Variants in ABHD6 observed in about 807,000 individuals in gnomAD.
ABHD6 encodes the protein monoacylglycerol lipase ABHD6.
A neutral mutation model predicts 38.8 loss-of-function variants in ABHD6; 33 were observed. The observed-to-expected ratio is 0.85, with a 90% confidence interval of 0.64 to 1.14. The LOEUF is 1.14. Ranked by LOEUF, ABHD6 falls within the 50% of genes most tolerant of loss-of-function variation. The probability of loss-of-function intolerance (pLI) is 0.00; values close to 1 mark genes in which losing one functional copy is unlikely to be tolerated. For synonymous variants in ABHD6, 147 were observed against 161.6 expected, an observed-to-expected ratio of 0.91 and a Z score of 0.69; for missense variants, 380 against 422.6, an observed-to-expected ratio of 0.90 and a Z score of 0.88.
At chr3:58,289,227 T>A (rs79405799) in intron 9 of ABHD6, among the ~76,000 whole-genome samples, 3 of 55,030 alleles carry the variant, frequency 5.5e-5, no homozygotes, top group East Asian at 0.025. Flanking sequence ...GGTAATTTTT[T>A]ATTTTTTTTA....
rs541276480 is a variant in ABHD6, at chr3:58,273,256, A to C, written c.524-1402A>C. Among the ~76,000 whole-genome samples the C allele has an allele frequency of 6.6e-6, 1 of 152,246 alleles. No homozygotes were observed. The highest frequency in any genetic ancestry group is 1.9e-4 in the East Asian group (1 of 5,184). On this transcript the variant is annotated intron_variant, in intron 6 of 9. Coordinates refer to ENST00000478253, the MANE Select transcript of ABHD6 (RefSeq NM_001320126.2). The surrounding 1 kb of genome is among the most constrained non-coding windows in gnomAD (Gnocchi z 4.8). ...TTGATGCTACTGCCTTTCATTATAA[A>C]ATCTAGCTCTTTTCTAGATTTTGCT... is the stretch of plus-strand genomic sequence containing the variant.
chr3:58,239,656 T>A (rs2097421469), intron 1 of ABHD6, among the ~76,000 whole-genome samples: 1 of 152,196 alleles, frequency 6.6e-6, no homozygotes, highest in Non-Finnish European at 1.5e-5. Context: ...CCTTTGATTC[T>A]GTGAGCATCT....
At chr3:58,245,073 C>T (rs2097425389) in intron 1 of ABHD6, among the ~76,000 whole-genome samples, 1 of 152,196 alleles carries the variant, frequency 6.6e-6, no homozygotes, top group South Asian at 2.1e-4. Context: ...CCTGCCAAAG[C>T]CTGCCAGTGT....
At position 58,265,670 on chromosome 3, in the gene ABHD6, A is replaced by G. The variant is rs1268692948; in HGVS notation, c.120-1519A>G. On this transcript the variant is annotated intron_variant, in intron 3 of 9. Transcript: ENST00000478253. The surrounding 1 kb of genome is among the most constrained non-coding windows in gnomAD (Gnocchi z 4.2). ...GTGTTGCTACAGCAGAATGCCACAG[A>G]CTAGATAATTTATAAAGAAAAGAAA... 6.6e-6 allele frequency among the ~76,000 whole-genome samples: 1 copy of G among 152,210 alleles called. No individual in the cohort carries two copies. Among genetic ancestry groups the G allele is most frequent in the Admixed American group, 6.5e-5 (1 of 15,282 alleles).
Position 58,259,024 on chromosome 3 carries a change from G to T in ABHD6, c.119+2319G>T, listed in dbSNP as rs1349432895. Among the ~76,000 whole-genome samples the T allele has an allele frequency of 1.3e-5, 2 of 152,166 alleles. No homozygotes were observed. The highest frequency in any genetic ancestry group is 2.9e-5 in the Non-Finnish European group (2 of 68,026). On this transcript the variant is annotated intron_variant, in intron 3 of 9. Coordinates refer to ENST00000478253, the MANE Select transcript of ABHD6 (RefSeq NM_001320126.2). The surrounding 1 kb of genome is among the most constrained non-coding windows in gnomAD (Gnocchi z 4.7). Reference sequence around the variant, plus strand: ...TGACATGGAGAAGGCAGAGTTGCGTGCCCCTTCTCATGGCCTCGTCAAGGC... The same window carrying T: ...TGACATGGAGAAGGCAGAGTTGCGTTCCCCTTCTCATGGCCTCGTCAAGGC...
Position 58,263,415 on chromosome 3 carries a change from T to C in ABHD6, c.120-3774T>C, listed in dbSNP as rs1575521222. On this transcript the variant is annotated intron_variant, in intron 3 of 9. Transcript: ENST00000478253. This position sits in a 1 kb window ranked among gnomAD's most constrained non-coding sequence, Gnocchi z 4.9. ...CAAAAAAAAAAAAAAAGAAAAAATA[T>C]TAGTTTTCCAGTTTCTTGTTTCTGG... Among the ~76,000 whole-genome samples, 1 of 151,752 alleles carries C rather than the reference T, an allele frequency of 6.6e-6. No individual in the cohort carries two copies. The highest frequency in any genetic ancestry group is 1.5e-5 in the Non-Finnish European group (1 of 67,928).
intron 1 of ABHD6, among the ~76,000 whole-genome samples, chr3:58,244,391 G>T (rs534798059): frequency 2.0e-5 from 3 of 152,274 alleles, no homozygotes; most frequent in African/African-American, 7.2e-5. Context: ...GCTTCTTTAT[G>T]ATAGCACAGT....
In ABHD6 at chr3:58,273,031, G is replaced by A. The variant is rs754222561; in HGVS notation, c.524-1627G>A. Among the ~76,000 whole-genome samples, 5 of 152,052 alleles carry A rather than the reference G, an allele frequency of 3.3e-5. No individual in the cohort carries two copies. The highest frequency in any genetic ancestry group is 3.3e-4 in the Admixed American group (5 of 15,262). ...GATTTCATTTAGTTTTTCAACTCAT[G>A]TCCTTTTTCTGTTCTGGGATCCAGT... On this transcript the variant is annotated intron_variant, in intron 6 of 9. Transcript: ENST00000478253. The surrounding 1 kb of genome is among the most constrained non-coding windows in gnomAD (Gnocchi z 4.8).
chr3:58,250,748 G>A (rs561728237), intron 2 of ABHD6, among the ~76,000 whole-genome samples: 3 of 152,298 alleles, frequency 2.0e-5, no homozygotes, highest in Admixed American at 1.3e-4. Flanking sequence ...CCCTAAGGCT[G>A]TGCTGTCTAA....
At chr3:58,247,998 T>G (rs1478015806) in intron 1 of ABHD6, among the ~76,000 whole-genome samples, 2 of 152,240 alleles carry the variant, frequency 1.3e-5, no homozygotes, top group Non-Finnish European at 2.9e-5. Context: ...GTGCTAACCA[T>G]AATCATGGCC....
At position 58,289,341 on chromosome 3, in the gene ABHD6, G is replaced by C. The variant is rs1165658556; in HGVS notation, c.837+3888G>C. 9.2e-5 allele frequency among the ~76,000 whole-genome samples: 14 copies of C among 151,744 alleles called. No individual in the cohort carries two copies. In the South Asian group the frequency reaches 2.9e-3, roughly 32 times the overall value. On this transcript the variant is annotated intron_variant, in intron 9 of 9. Coordinates refer to ENST00000478253, the MANE Select transcript of ABHD6 (RefSeq NM_001320126.2). ...AGGGAAGGTCACCAGATAAACAAGT[G>C]AACAAAGGTCTCTGGTTTTCCTAGG...
At chr3:58,264,442 C>T (rs1025696998) in intron 3 of ABHD6, among the ~76,000 whole-genome samples, 3 of 96,522 alleles carry the variant, frequency 3.1e-5, no homozygotes, top group African/African-American at 1.3e-4. Flanking sequence ...CACACACACA[C>T]ACATATGCCA....
At chr3:58,239,187 A>G (rs1246970565) in intron 1 of ABHD6, among the ~76,000 whole-genome samples, 4 of 151,980 alleles carry the variant, frequency 2.6e-5, no homozygotes, top group African/African-American at 9.7e-5. Context: ...TATCAAGAAC[A>G]TTGTTATAAT....
In ABHD6 at chr3:58,274,820, C is replaced by T. The variant is rs115434226; in HGVS notation, c.681+5C>T. The T allele has an allele frequency of 1.7e-3, 2,719 of 1,612,462 alleles. 46 individuals carry two copies. The African/African-American group carries it at 0.032, about 19-fold the overall frequency. On this transcript the variant is annotated splice_donor_5th_base_variant and intron_variant, in intron 7 of 9. Coordinates refer to ENST00000478253, the MANE Select transcript of ABHD6 (RefSeq NM_001320126.2). Reference sequence around the variant, plus strand: ...CGCTTCAAGGTGCCCCAGCAGGTAACGTGGTTGCAGCAGCGACACAACTAC... The same window carrying T: ...CGCTTCAAGGTGCCCCAGCAGGTAATGTGGTTGCAGCAGCGACACAACTAC...
rs1191935896 is a variant in ABHD6 at position 58,287,389 on chromosome 3, C to T, written c.837+1936C>T. Among the ~76,000 whole-genome samples the T allele has an allele frequency of 6.6e-6, 1 of 152,176 alleles. No individual in the cohort carries two copies. The highest frequency in any genetic ancestry group is 2.4e-5 in the African/African-American group (1 of 41,438). Reference sequence around the variant, plus strand: ...GTCACACTGTGGCCACAAAGACCCACAAGTGCATGAATGACCCAGGCAGGA... The same window carrying T: ...GTCACACTGTGGCCACAAAGACCCATAAGTGCATGAATGACCCAGGCAGGA... On this transcript the variant is annotated intron_variant, in intron 9 of 9. Transcript: ENST00000478253. The surrounding 1 kb of genome is among the most constrained non-coding windows in gnomAD (Gnocchi z 4.7).
rs370132221 is a variant in ABHD6, at chr3:58,263,053, C to T, written c.120-4136C>T. On this transcript the variant is annotated intron_variant, in intron 3 of 9. Transcript: ENST00000478253. The surrounding 1 kb of genome is among the most constrained non-coding windows in gnomAD (Gnocchi z 4.9). ...TGAAACCCCATCTCTACTACAAATA[C>T]GAAAATTAGCCAGGCGTGGTGGCAC... Among the ~76,000 whole-genome samples, 41 of 152,182 alleles carry T rather than the reference C, an allele frequency of 2.7e-4. No individual in the cohort carries two copies. The highest frequency in any genetic ancestry group is 2.3e-3 in the East Asian group (12 of 5,184).
At position 58,257,432 on chromosome 3, in the gene ABHD6, G is replaced by A. The variant is rs34411945; in HGVS notation, c.119+727G>A. On this transcript the variant is annotated intron_variant, in intron 3 of 9. Transcript: ENST00000478253. The surrounding 1 kb of genome is among the most constrained non-coding windows in gnomAD (Gnocchi z 4.8). Reference sequence around the variant, plus strand: ...GGCTGGAGTGCAGTGGTGTCATCTCGGCTCACTGCAACCTCTGCCTCCCAG... The same window carrying A: ...GGCTGGAGTGCAGTGGTGTCATCTCAGCTCACTGCAACCTCTGCCTCCCAG... Among the ~76,000 whole-genome samples the A allele has an allele frequency of 0.084, 12,710 of 151,080 alleles. 621 individuals carry two copies. Among genetic ancestry groups the A allele is most frequent in the Middle Eastern group, 0.11 (31 of 292 alleles).
intron 7 of ABHD6, 128 bp downstream of exon 7, chr3:58,274,943 G>A: frequency 1.7e-6 from 2 of 1,188,878 alleles, no homozygotes; most frequent in South Asian, 2.9e-5. Context: ...CATATATTCA[G>A]CAAGTGTCTC....
In ABHD6 at chr3:58,266,362, T is replaced by C. The variant is rs1300298199; in HGVS notation, c.120-827T>C. ...TACAGGCTGAGGCACAAGAATTGCT[T>C]GAACCCGGGAGGTGGAGGTTGCAGT... On this transcript the variant is annotated intron_variant, in intron 3 of 9. Coordinates refer to ENST00000478253, the MANE Select transcript of ABHD6 (RefSeq NM_001320126.2). This position sits in a 1 kb window ranked among gnomAD's most constrained non-coding sequence, Gnocchi z 4.0. Among the ~76,000 whole-genome samples, 3 of 151,752 alleles carry C rather than the reference T, an allele frequency of 2.0e-5. No homozygotes were observed. Among genetic ancestry groups the C allele is most frequent in the Non-Finnish European group, 4.4e-5 (3 of 67,988 alleles).
Sources: allele counts gnomAD v4.1 joint callset (sites outside exome capture counted in the v4.1 genomes callset), GRCh38; gene constraint gnomAD v4.1.1; non-coding constraint Gnocchi (gnomAD v3.1); transcripts MANE v1.5; gene names NCBI Gene and HGNC (gene_info 2026-07-23, HGNC 2026-07-21).